Variants in LRMDA observed in about 807,000 individuals in gnomAD.
The protein encoded by LRMDA is leucine rich melanocyte differentiation associated.
A neutral mutation model predicts 29.8 loss-of-function variants in LRMDA; 18 were observed. That is an observed-to-expected ratio of 0.60 (90% CI 0.42 to 0.90). LRMDA has a LOEUF of 0.90. Among genes scored for constraint, LRMDA ranks in the 40% least tolerant of loss-of-function variants. LRMDA has a pLI of 0.00. For missense variants in LRMDA, 273 were observed against 273.9 expected, an observed-to-expected ratio of 1.00 and a Z score of 0.02; for synonymous variants, 125 against 109.4, an observed-to-expected ratio of 1.14 and a Z score of -0.89.
intron 6 of LRMDA, among the ~76,000 whole-genome samples, chr10:76,360,245 C>T (rs1473727593): frequency 6.6e-6 from 1 of 152,078 alleles, no homozygotes; most frequent in Non-Finnish European, 1.5e-5. Flanking sequence ...GCCTCGGCCT[C>T]CCAAAGTGCT....
At chr10:75,760,292 G>A (rs1309492869) in intron 2 of LRMDA, among the ~76,000 whole-genome samples, 1 of 152,132 alleles carries the variant, frequency 6.6e-6, no homozygotes, top group Non-Finnish European at 1.5e-5. Context: ...AAGTCAGAAT[G>A]CACTTAAGTA....
At chr10:75,597,175 C>T (rs984626573) in intron 2 of LRMDA, among the ~76,000 whole-genome samples, 3 of 152,092 alleles carry the variant, frequency 2.0e-5, no homozygotes, top group Non-Finnish European at 2.9e-5. Context: ...CAACTCCAGT[C>T]CTTCTTTTGT....
At chr10:75,565,081 A>G (rs1252713843) in intron 2 of LRMDA, among the ~76,000 whole-genome samples, 1 of 152,166 alleles carries the variant, frequency 6.6e-6, no homozygotes, top group African/African-American at 2.4e-5. Context: ...CAAGGAATGG[A>G]AATAGTCCAC....
chr10:76,261,445 T>G (rs1398956433), intron 5 of LRMDA, among the ~76,000 whole-genome samples: 1 of 151,670 alleles, frequency 6.6e-6, no homozygotes, highest in Non-Finnish European at 1.5e-5. Flanking sequence ...CTCATGTCCA[T>G]CAGAATCATA....
At chr10:75,886,247 C>G (rs146156946) in intron 2 of LRMDA, among the ~76,000 whole-genome samples, 1 of 152,148 alleles carries the variant, frequency 6.6e-6, no homozygotes, top group Non-Finnish European at 1.5e-5. Flanking sequence ...AAATTGGACA[C>G]TGCATGACAC....
chr10:76,457,601 G>A (rs1005609185), intron 6 of LRMDA, among the ~76,000 whole-genome samples: 1 of 152,154 alleles, frequency 6.6e-6, no homozygotes, highest in Admixed American at 6.5e-5. Context: ...AGGCCATGAT[G>A]TGCCCTGTAG....
At chr10:75,632,386 GAA>G (rs1182559928) in intron 2 of LRMDA, among the ~76,000 whole-genome samples, 1 of 152,162 alleles carries the variant, frequency 6.6e-6, no homozygotes, top group Non-Finnish European at 1.5e-5. Context: ...CATCTAAAAA[GAA>G]AAGAGTGTTG....
chr10:75,580,439 C>T (rs1476269838), intron 2 of LRMDA, among the ~76,000 whole-genome samples: 1 of 152,210 alleles, frequency 6.6e-6, no homozygotes, highest in East Asian at 1.9e-4. Flanking sequence ...AATGGAAGAA[C>T]ATTCCATGCT....
At chr10:76,541,522 G>A (rs1843355345) in intron 6 of LRMDA, among the ~76,000 whole-genome samples, 1 of 152,046 alleles carries the variant, frequency 6.6e-6, no homozygotes. Context: ...ATAAGTTCAG[G>A]GAAAATTGAA....
At chr10:75,875,799 T>G (rs561882414) in intron 2 of LRMDA, among the ~76,000 whole-genome samples, 1 of 152,264 alleles carries the variant, frequency 6.6e-6, no homozygotes, top group East Asian at 1.9e-4. Flanking sequence ...GGTGGTAAGA[T>G]ATGAGGCCTG....
intron 2 of LRMDA, among the ~76,000 whole-genome samples, chr10:75,859,828 T>C (rs1844892006): frequency 6.6e-6 from 1 of 152,206 alleles, no homozygotes; most frequent in Non-Finnish European, 1.5e-5. Context: ...GCTGTAAACA[T>C]ATTCTCCTGT....
At chr10:76,238,797 CT>C (rs10717351) in intron 5 of LRMDA, among the ~76,000 whole-genome samples, 66,220 of 148,554 alleles carry the variant, frequency 0.45, 16,013 homozygotes, top group African/African-American at 0.67. Flanking sequence ...AAAGTTGTTT[CT>C]TTTTTTTTTT....
At chr10:76,087,689 C>G (rs1268566289) in intron 5 of LRMDA, among the ~76,000 whole-genome samples, 5 of 152,100 alleles carry the variant, frequency 3.3e-5, no homozygotes, top group Non-Finnish European at 7.4e-5. Context: ...TGTCTGTTGT[C>G]CTACTCTGTA....
chr10:75,983,486 G>T (rs973864059), intron 2 of LRMDA, among the ~76,000 whole-genome samples: 1 of 152,062 alleles, frequency 6.6e-6, no homozygotes, highest in Admixed American at 6.5e-5. Flanking sequence ...ACATATATGT[G>T]TGTATATATG....
chr10:75,597,128 A>G (rs1840800696), intron 2 of LRMDA, among the ~76,000 whole-genome samples: 1 of 151,874 alleles, frequency 6.6e-6, no homozygotes, highest in African/African-American at 2.4e-5. Flanking sequence ...GGTCCACTTA[A>G]TTACAAAACC....
At chr10:75,867,623 C>T (rs1165580378) in intron 2 of LRMDA, among the ~76,000 whole-genome samples, 1 of 152,124 alleles carries the variant, frequency 6.6e-6, no homozygotes, top group Non-Finnish European at 1.5e-5. Flanking sequence ...CCCCAAAGCA[C>T]CCAGTGGGAA....
chr10:76,027,168 C>T (rs761928830), intron 2 of LRMDA, among the ~76,000 whole-genome samples: 2 of 152,160 alleles, frequency 1.3e-5, no homozygotes, highest in Non-Finnish European at 2.9e-5. Flanking sequence ...TGCAAATCCA[C>T]CTTTGAATCT....
chr10:75,595,819 G>A (rs1156315443), intron 2 of LRMDA, among the ~76,000 whole-genome samples: 1 of 151,986 alleles, frequency 6.6e-6, no homozygotes, highest in Non-Finnish European at 1.5e-5. Context: ...AAGACATTCA[G>A]TCCAGCTACA....
intron 5 of LRMDA, among the ~76,000 whole-genome samples, chr10:76,100,904 C>T (rs182716711): frequency 3.9e-5 from 6 of 152,206 alleles, no homozygotes; most frequent in South Asian, 4.1e-4. Flanking sequence ...GGCTGTGAAC[C>T]CCTCTGTGTC....
Sources: allele counts gnomAD v4.1 joint callset (sites outside exome capture counted in the v4.1 genomes callset), GRCh38; gene constraint gnomAD v4.1.1; transcripts MANE v1.5; gene names NCBI Gene and HGNC (gene_info 2026-07-23, HGNC 2026-07-21).